The following PNPT1 variants were observed in gnomAD, a reference collection of about 807,000 sequenced individuals.
PNPT1 encodes the protein polyribonucleotide nucleotidyltransferase 1.
PNPT1 carries 53 observed loss-of-function variants against 119.5 expected under a neutral mutation model. The observed-to-expected ratio is 0.44, with a 90% CI of 0.36 to 0.56. The LOEUF is 0.56. Among genes scored for constraint, PNPT1 ranks in the 20% least tolerant of loss-of-function variants. PNPT1 has a pLI of 0.00. For missense variants in PNPT1, 948 were observed against 938.5 expected (o/e 1.01, Z -0.13); for synonymous variants, 357 against 322.1 (o/e 1.11, Z -1.16).
intron 14 of PNPT1, 108 bp from the exon 15 acceptor site, chr2:55,660,301 A>C: frequency 8.5e-7 from 1 of 1,176,364 alleles, no homozygotes; most frequent in East Asian, 2.8e-5. Flanking sequence ...ACTAGGTGTT[A>C]ATGAAAAATC....
chr2:55,691,875 TA>T (rs1409836746), intron 1 of PNPT1, among the ~76,000 whole-genome samples: 595 of 13,342 alleles, frequency 0.045, 2 homozygotes, highest in African/African-American at 0.085. Flanking sequence ...TATATATATA[TA>T]TATTTTTTTT....
intron 15 of PNPT1, among the ~76,000 whole-genome samples, chr2:55,659,087 T>G (rs1245788318): frequency 6.6e-6 from 1 of 152,190 alleles, no homozygotes; most frequent in Non-Finnish European, 1.5e-5. Flanking sequence ...CCCGAGTAGC[T>G]GGGACTATAG....
At position 55,666,974 on chromosome 2, in the gene PNPT1, C is replaced by T; in HGVS notation, c.1176+17G>A. On this transcript the variant is annotated intron_variant, in intron 13 of 27. Coordinates refer to ENST00000447944, the MANE Select transcript of PNPT1 (RefSeq NM_033109.5). The stretch of plus-strand genomic sequence containing the variant: ...ATCTTAATTTAGCAAATAATTAGAG[C>T]TTTTTATATAAATTACCTGTGTTTG... 6.7e-7 allele frequency: 1 copy of T among 1,497,834 alleles called. No individual in the cohort carries two copies. Among genetic ancestry groups the T allele is most frequent in the Non-Finnish European group, 9.0e-7 (1 of 1,108,836 alleles). The allele number at this position is 1,497,834 out of a possible 1,614,324, so 92.8% of individuals were successfully genotyped here. A position where few individuals can be genotyped will look rare whatever the true frequency, so the allele number is the denominator to read the frequency against.
chr2:55,663,119 C>T (rs927896699), intron 13 of PNPT1, among the ~76,000 whole-genome samples: 1 of 152,014 alleles, frequency 6.6e-6, no homozygotes. Context: ...CTCCTGACCT[C>T]GTGATCCATC....
In PNPT1 at chr2:55,683,852, A is replaced by C; in HGVS notation, c.404-18T>G. 3.7e-6 allele frequency: 6 copies of C among 1,612,456 alleles called. No individual in the cohort carries two copies. Among genetic ancestry groups the C allele is most frequent in the Non-Finnish European group, 5.1e-6 (6 of 1,178,708 alleles). ...TGAACGATCTGCCAAAAGAAAAAAA[A>C]ACACATTAAACCGTACTGACAGAGT... On this transcript the variant is annotated intron_variant, in intron 4 of 27. Transcript: ENST00000447944.
At chr2:55,674,836 T>C (rs1697016230) in intron 8 of PNPT1, among the ~76,000 whole-genome samples, 1 of 152,224 alleles carries the variant, frequency 6.6e-6, no homozygotes, top group South Asian at 2.1e-4. Context: ...GATACCATGA[T>C]ACTGAGATGG....
intron 13 of PNPT1, among the ~76,000 whole-genome samples, chr2:55,666,092 AAAAG>A (rs1370990577): frequency 1.3e-5 from 2 of 152,232 alleles, no homozygotes; most frequent in Non-Finnish European, 2.9e-5. Context: ...ACCCAATATT[AAAAG>A]AAAGATACAA....
At chr2:55,668,676 C>G (rs983287029) in intron 11 of PNPT1, among the ~76,000 whole-genome samples, 2 of 151,126 alleles carry the variant, frequency 1.3e-5, no homozygotes, top group Non-Finnish European at 3.0e-5. Context: ...CTCAGCTCAC[C>G]GCAACCATCG....
In PNPT1 at chr2:55,673,008, A is replaced by T. The variant is rs748698236; in HGVS notation, c.751T>A (p.Tyr251Asn). The T allele has an allele frequency of 3.7e-6, 6 of 1,612,984 alleles. No homozygotes were observed. Among genetic ancestry groups the T allele is most frequent in the Non-Finnish European group, 4.2e-6 (5 of 1,179,866 alleles). Residue 251 changes from tyrosine to asparagine, a missense_variant, in exon 9 of 28, where the codon TAT becomes AAT. Transcript: ENST00000447944. ...ATGCCCTGAATTATTTGTTGGGTAT[A>T]TTTCACTCCCACTTTGATAGCATGG... ...FCHAIKVGVKYTQQIIQGIQQ... is the reference protein window; with the variant it reads ...FCHAIKVGVKNTQQIIQGIQQ...
rs963149677 is a variant in PNPT1 at position 55,643,248 on chromosome 2, G to C, written c.2014-35C>G. On this transcript the variant is annotated intron_variant, in intron 24 of 27. Coordinates refer to ENST00000447944, the MANE Select transcript of PNPT1 (RefSeq NM_033109.5). ...CAAAATAAGCCATAAGATTCATAAA[G>C]AAAACATCAACAAAAAGTAGAAAAA... 5 of 1,613,720 alleles carry C rather than the reference G, an allele frequency of 3.1e-6. No individual in the cohort carries two copies. In the African/African-American group the frequency reaches 5.3e-5, roughly 17 times the overall value.
chr2:55,658,095 G>C (rs1249044612), intron 15 of PNPT1, among the ~76,000 whole-genome samples: 3 of 151,594 alleles, frequency 2.0e-5, no homozygotes, highest in East Asian at 3.9e-4. Flanking sequence ...AAATTAGCGG[G>C]GTGTGGTGGT....
At chr2:55,690,145 G>A (rs1459720153) in intron 1 of PNPT1, among the ~76,000 whole-genome samples, 1 of 152,148 alleles carries the variant, frequency 6.6e-6, no homozygotes, top group Non-Finnish European at 1.5e-5. Flanking sequence ...TAAATTAACT[G>A]TATGGTATGT....
At chr2:55,648,585 T>C (rs1049845541) in intron 18 of PNPT1, among the ~76,000 whole-genome samples, 1 of 152,242 alleles carries the variant, frequency 6.6e-6, no homozygotes, top group African/African-American at 2.4e-5. Context: ...GGTTGAAAAC[T>C]ATTTCATGTT....
chr2:55,647,281 T>C (rs1696033166), intron 19 of PNPT1, 66 bp downstream of exon 19: 6 of 1,313,652 alleles, frequency 4.6e-6, no homozygotes, highest in Non-Finnish European at 6.3e-6. Context: ...TGTTTTTATC[T>C]TTTAATTTTT....
rs1211125456 is a variant in PNPT1, at chr2:55,636,101, G to A, written c.*136C>T. ...TTAAAAAAATGGCACATGTAAATGA[G>A]CATTTTAGTACAAATAATTAAAATG... On this transcript the variant is annotated 3_prime_UTR_variant, in exon 28 of 28. Transcript: ENST00000447944. 7.8e-6 allele frequency: 4 copies of A among 512,242 alleles called. No homozygotes were observed. The highest frequency in any genetic ancestry group is 3.0e-6 in the Non-Finnish European group (1 of 330,740). The allele number at this position is 512,242 out of a possible 1,614,324, so 31.7% of individuals were successfully genotyped here.
intron 17 of PNPT1, among the ~76,000 whole-genome samples, chr2:55,655,449 G>A (rs577205471): frequency 6.6e-6 from 1 of 152,284 alleles, no homozygotes; most frequent in South Asian, 2.1e-4. Flanking sequence ...GCATAGTATT[G>A]CTACAGATAT....
At chr2:55,682,843 A>G (rs1381188067) in intron 5 of PNPT1, among the ~76,000 whole-genome samples, 1 of 152,066 alleles carries the variant, frequency 6.6e-6, no homozygotes. Context: ...CAGGAGTTTG[A>G]GGCTGCAGTG....
chr2:55,649,003 C>A (rs534138278), intron 18 of PNPT1, among the ~76,000 whole-genome samples: 1 of 152,250 alleles, frequency 6.6e-6, no homozygotes, highest in Non-Finnish European at 1.5e-5. Flanking sequence ...TCTATACTTA[C>A]GATTTTAACC....
intron 13 of PNPT1, among the ~76,000 whole-genome samples, chr2:55,662,593 C>G (rs932943734): frequency 6.6e-6 from 1 of 152,080 alleles, no homozygotes; most frequent in Non-Finnish European, 1.5e-5. Context: ...AAGAATAGCT[C>G]GAATCCAACA....
Sources: allele counts gnomAD v4.1 joint callset (sites outside exome capture counted in the v4.1 genomes callset), GRCh38; gene constraint gnomAD v4.1.1; transcripts MANE v1.5; gene names NCBI Gene and HGNC (gene_info 2026-07-23, HGNC 2026-07-21).